The following SSC5D variants were observed in gnomAD, a reference collection of about 807,000 sequenced individuals.
SSC5D encodes the protein soluble scavenger receptor cysteine-rich domain-containing protein SSC5D.
SSC5D carries 106 observed loss-of-function variants against 104.6 expected under a neutral mutation model. The ratio of observed to expected loss-of-function variants is 1.01; its 90% CI spans 0.87 to 1.19. The LOEUF (loss-of-function observed/expected upper bound fraction) is 1.19, where lower values mean the gene tolerates loss of function less well. Among genes scored for constraint, SSC5D ranks in the 50% most tolerant of loss-of-function variants. SSC5D has a pLI of 0.00. For synonymous variants in SSC5D, 860 were observed against 883.5 expected, an observed-to-expected ratio of 0.97 and a Z score of 0.47; for missense variants, 1,993 against 2,153.8, an observed-to-expected ratio of 0.93 and a Z score of 1.48.
Position 55,500,994 on chromosome 19 carries a change from A to G in SSC5D, c.2618-40A>G, listed in dbSNP as rs1409899150. The stretch of plus-strand genomic sequence containing the variant: ...AAGAGCAGCAGCAAGGACCTCTGAG[A>G]AAGAGGATGGGGTCAACCATTACCC... On this transcript the variant is annotated intron_variant, in intron 11 of 13. Transcript: ENST00000389623. The surrounding 1 kb of genome is among the most constrained non-coding windows in gnomAD (Gnocchi z 4.6). 38 of 1,549,868 alleles carry G rather than the reference A, an allele frequency of 2.5e-5. No homozygotes were observed. The highest frequency in any genetic ancestry group is 3.2e-5 in the Non-Finnish European group (37 of 1,145,748).
chr19:55,514,187 C>A (rs1404674357), intron 13 of SSC5D, among the ~76,000 whole-genome samples: 1 of 151,860 alleles, frequency 6.6e-6, no homozygotes, highest in Non-Finnish European at 1.5e-5. Flanking sequence ...GGGCAGATCA[C>A]GAGGTCAGGA....
At chr19:55,510,524 T>C (rs1987733421) in intron 12 of SSC5D, among the ~76,000 whole-genome samples, 1 of 151,978 alleles carries the variant, frequency 6.6e-6, no homozygotes, top group African/African-American at 2.4e-5. Context: ...AATTTTTGTA[T>C]TTTTAGTAGA....
chr19:55,496,416 C>G (rs1015250636), intron 8 of SSC5D, among the ~76,000 whole-genome samples: 1 of 152,158 alleles, frequency 6.6e-6, no homozygotes, highest in Non-Finnish European at 1.5e-5. Flanking sequence ...GGGAAAAGGC[C>G]GAACAAAAGC....
rs1048676921 is a variant in SSC5D at position 55,500,963 on chromosome 19, G to A, written c.2618-71G>A. ...AGTTGCTCCAGAAGATTCCAAAAGGGGAGGGAAGAGCAGCAGCAAGGACCT... is the reference window on the plus strand; with the variant it reads ...AGTTGCTCCAGAAGATTCCAAAAGGAGAGGGAAGAGCAGCAGCAAGGACCT... On this transcript the variant is annotated intron_variant, in intron 11 of 13. Transcript: ENST00000389623. This position sits in a 1 kb window ranked among gnomAD's most constrained non-coding sequence, Gnocchi z 4.6. The A allele has an allele frequency of 6.5e-7, 1 of 1,540,202 alleles. No individual in the cohort carries two copies. The highest frequency in any genetic ancestry group is 8.8e-7 in the Non-Finnish European group (1 of 1,138,866).
At chr19:55,497,468 C>A (rs1016312581) in intron 8 of SSC5D, among the ~76,000 whole-genome samples, 2 of 152,182 alleles carry the variant, frequency 1.3e-5, no homozygotes, top group African/African-American at 4.8e-5. Context: ...TTTAAGTATA[C>A]AACTTAAGTG....
chr19:55,512,978 G>T, intron 12 of SSC5D, 33 bp from the exon 13 acceptor site: 1 of 1,551,688 alleles, frequency 6.4e-7, no homozygotes, highest in Non-Finnish European at 8.7e-7. Flanking sequence ...AGGGAAGTTG[G>T]AAGACTCAAT....
In SSC5D at chr19:55,489,531, A is replaced by C. The variant is rs1236345115; in HGVS notation, c.230A>C (p.Glu77Ala). ...GCCCCGGGAGGCGCCTTCTTCGGGG[A>C]GGGGGCAGGGCCTGTGTGGCTCAGC... Reference protein sequence around the residue: ...LAAPGGAFFGEGAGPVWLSEL... With the variant: ...LAAPGGAFFGAGAGPVWLSEL... The change falls in exon 3 of 14, where the codon GAG becomes GCG. Residue 77 changes from glutamate (E) to alanine (A), a missense_variant. Glu to Ala is a moderately radical substitution (Grantham distance 107). Coordinates refer to ENST00000389623, the MANE Select transcript of SSC5D (RefSeq NM_001144950.2). 6.8e-7 allele frequency: 1 copy of C among 1,468,334 alleles called. No homozygotes were observed. The highest frequency in any genetic ancestry group is 9.0e-7 in the Non-Finnish European group (1 of 1,117,270). 91.0% of individuals were successfully genotyped at this position (1,468,334 alleles called of 1,614,324 possible).
chr19:55,493,989 G>C, intron 7 of SSC5D, 77 bp downstream of exon 7: 1 of 314,438 alleles, frequency 3.2e-6, no homozygotes, highest in East Asian at 1.2e-4. Flanking sequence ...GGCGGGGGCG[G>C]GGGGGTCCCT....
rs1385251373 is a variant in SSC5D at position 55,518,529 on chromosome 19, C to G, written c.4253C>G (p.Pro1418Arg). The change falls in exon 14 of 14, where the codon CCC becomes CGC. Residue 1418 changes from proline (P) to arginine (R), a missense_variant. Pro to Arg is a moderately radical substitution (Grantham distance 103, BLOSUM62 -2). Transcript: ENST00000389623. Reference sequence around the variant, plus strand: ...TTCAAGCCACCCAGAAGCCAGAGCCCCAACCTAACCCCTCCACCCACCCAT... The same window carrying G: ...TTCAAGCCACCCAGAAGCCAGAGCCGCAACCTAACCCCTCCACCCACCCAT... ...EDFKPPRSQS[P>R]NLTPPPTHTP... 2 of 1,550,310 alleles carry G rather than the reference C, an allele frequency of 1.3e-6. No individual in the cohort carries two copies. Among genetic ancestry groups the G allele is most frequent in the Non-Finnish European group, 1.7e-6 (2 of 1,146,712 alleles).
intron 12 of SSC5D, chr19:55,504,037 G>A (rs773832086): frequency 3.1e-5 from 43 of 1,372,708 alleles, no homozygotes; most frequent in Non-Finnish European, 4.1e-5. Flanking sequence ...AAGGGAGGGA[G>A]GAAGCAGGCC....
chr19:55,490,913 G>A lies in SSC5D; in HGVS notation c.728G>A (p.Gly243Glu). Reference sequence around the variant, plus strand: ...GCCTGCCGGGAACTGGGCTGTGGGGGGGCGCTGGCTGCCCCCGGCGGTGCC... The same window carrying A: ...GCCTGCCGGGAACTGGGCTGTGGGGAGGCGCTGGCTGCCCCCGGCGGTGCC... ...AVACRELGCG[G>E]ALAAPGGARF... Residue 243 changes from glycine (G) to glutamate (E), a missense_variant, in exon 6 of 14, where the codon GGG becomes GAG. Around this residue, in one of 6 missense-constraint regions of SSC5D, gnomAD observed 1,101 missense variants for 1,085.0 expected, o/e 1.01. Coordinates refer to ENST00000389623, the MANE Select transcript of SSC5D (RefSeq NM_001144950.2). 1.9e-6 allele frequency: 3 copies of A among 1,544,922 alleles called. No individual in the cohort carries two copies. Among genetic ancestry groups the A allele is most frequent in the South Asian group, 1.2e-5 (1 of 83,494 alleles).
Position 55,490,414 on chromosome 19 carries a change from C to A in SSC5D, c.586+6C>A. On this transcript the variant is annotated splice_donor_region_variant and intron_variant, in intron 5 of 13. Transcript: ENST00000389623. ...GACAGGAGCCCCCCGCCAAGGTAAG[C>A]TCCCTGCAGGCTCCCCCGACCCCAA... 1 of 1,148,526 alleles carries A rather than the reference C, an allele frequency of 8.7e-7. No homozygotes were observed. The highest frequency in any genetic ancestry group is 1.2e-6 in the Non-Finnish European group (1 of 814,788). The allele number at this position is 1,148,526 out of a possible 1,614,324, so 71.1% of individuals were successfully genotyped here.
Position 55,493,957 on chromosome 19 carries a change from C to T in SSC5D, c.1213+45C>T, listed in dbSNP as rs528353623. ...GGACCGGGAGGTGGGCGTGGTGGTG[C>T]TTGGAGCGGAGGGGCAAGTTCGGCG... On this transcript the variant is annotated intron_variant, in intron 7 of 13. Coordinates refer to ENST00000389623, the MANE Select transcript of SSC5D (RefSeq NM_001144950.2). 2.8e-3 allele frequency: 2,189 copies of T among 775,608 alleles called. 5 individuals carry two copies. The highest frequency in any genetic ancestry group is 3.2e-3 in the Non-Finnish European group (2,025 of 640,770). The allele number at this position is 775,608 out of a possible 1,614,324, so 48.0% of individuals were successfully genotyped here.
intron 12 of SSC5D, among the ~76,000 whole-genome samples, chr19:55,508,194 A>ACT (rs1406083829): frequency 6.6e-6 from 1 of 152,090 alleles, no homozygotes; most frequent in Non-Finnish European, 1.5e-5. Flanking sequence ...AGTGGATGTG[A>ACT]CTGCACAGAT....
rs1026618090 is a variant in SSC5D at position 55,500,734 on chromosome 19, C to A, written c.2547C>A (p.Ser849Arg). Residue 849 changes from serine (S) to arginine (R), a missense_variant, in exon 11 of 14, where the codon AGC becomes AGA. Transcript: ENST00000389623. The surrounding 1 kb of genome is among the most constrained non-coding windows in gnomAD (Gnocchi z 4.6). Reference sequence around the variant, plus strand: ...GTAAGGGAAGCGAGGCCTCACTGAGCGACTGCCCCTCGGGGGCTTGGGGGA... The same window carrying A: ...GTAAGGGAAGCGAGGCCTCACTGAGAGACTGCCCCTCGGGGGCTTGGGGGA... ...MGCKGSEASL[S>R]DCPSGAWGKH... 3 of 1,551,502 alleles carry A rather than the reference C, an allele frequency of 1.9e-6. No homozygotes were observed. The highest frequency in any genetic ancestry group is 2.6e-6 in the Non-Finnish European group (3 of 1,147,010).
In SSC5D at chr19:55,518,516, A is replaced by G; in HGVS notation, c.4240A>G (p.Arg1414Gly). The G allele has an allele frequency of 2.6e-6, 4 of 1,551,114 alleles. No homozygotes were observed. Among genetic ancestry groups the G allele is most frequent in the Non-Finnish European group, 3.5e-6 (4 of 1,146,864 alleles). ...PLSTEDFKPP[R>G]SQSPNLTPPP... ...GTCCACTGAGGACTTCAAGCCACCC[A>G]GAAGCCAGAGCCCCAACCTAACCCC... The change falls in exon 14 of 14, where the codon AGA (arginine) becomes GGA (glycine). Residue 1414 changes from arginine (R) to glycine (G), a missense_variant. Arg to Gly is a moderately radical substitution (Grantham distance 125). Coordinates refer to ENST00000389623, the MANE Select transcript of SSC5D (RefSeq NM_001144950.2).
At chr19:55,494,982 G>C (rs919040691) in intron 8 of SSC5D, among the ~76,000 whole-genome samples, 199 bp downstream of exon 8, 1 of 151,856 alleles carries the variant, frequency 6.6e-6, no homozygotes, top group African/African-American at 2.4e-5. Context: ...TGAACAAGGG[G>C]TCCTAACTTT....
chr19:55,513,300 G>A (rs1248163912), intron 13 of SSC5D, 128 bp downstream of exon 13: 6 of 1,016,318 alleles, frequency 5.9e-6, no homozygotes, highest in Non-Finnish European at 8.2e-6. Context: ...TAAAACAAAG[G>A]GTTATCGGCT....
Position 55,499,925 on chromosome 19 carries a change from T to G in SSC5D, c.1815T>G (p.Ser605=), listed in dbSNP as rs1987427772. The G allele has an allele frequency of 6.4e-7, 1 of 1,551,786 alleles. No homozygotes were observed. ...CGGGAGAGCTGGCCACCAAGCCCTCTGCAAGTGTGACTGCCAGTGTTCTGG... is the reference window on the plus strand; with the variant it reads ...CGGGAGAGCTGGCCACCAAGCCCTCGGCAAGTGTGACTGCCAGTGTTCTGG... ...WLPGELATKP[S]ASVTASVLEK... The change falls in exon 10 of 14, where the codon TCT becomes TCG. Residue 605 remains serine (S), a synonymous_variant. Transcript: ENST00000389623.
Sources: gnomAD v4.1 joint callset for allele counts (sites outside exome capture counted in the v4.1 genomes callset) on GRCh38, gnomAD v4.1.1 for gene constraint, gnomAD v4.1.1 regional missense constraint, Gnocchi (gnomAD v3.1) non-coding constraint, MANE v1.5 for transcripts, NCBI Gene and HGNC (gene_info 2026-07-23, HGNC 2026-07-21) for gene names.